DNPEP: variants seen among roughly 807,000 people sequenced by gnomAD.
DNPEP encodes the protein aspartyl aminopeptidase.
DNPEP carries 46 observed loss-of-function variants against 59.1 expected under a neutral mutation model. That is an observed-to-expected ratio of 0.78 (90% CI 0.61 to 0.99). The LOEUF (loss-of-function observed/expected upper bound fraction) is 0.99. Among genes scored for constraint, DNPEP ranks in the 50% least tolerant of loss-of-function variants. The probability of loss-of-function intolerance (pLI) is 0.00; values close to 1 mark genes in which losing one functional copy is unlikely to be tolerated. For synonymous variants in DNPEP, 229 were observed against 242.2 expected (o/e 0.95, Z 0.50); for missense variants, 617 against 649.9 (o/e 0.95, Z 0.55).
upstream of DNPEP, among the ~76,000 whole-genome samples, chr2:219,392,802 G>A (rs1191875917): frequency 1.3e-5 from 2 of 152,142 alleles, no homozygotes; most frequent in African/African-American, 2.4e-5. Context: ...GAACCACCGC[G>A]TCCAGCCTAG....
rs1953215263 is a variant in DNPEP at position 219,372,281 on chromosome 2, C to G, written c.*2011G>C. 6.6e-6 allele frequency among the ~76,000 whole-genome samples: 1 copy of G among 152,168 alleles called. No homozygotes were observed. The highest frequency in any genetic ancestry group is 1.5e-5 in the Non-Finnish European group (1 of 68,034). Reference sequence around the variant, plus strand: ...TTTTGTCACTCCCAACCCAGAAGATCACTGTAAAAGTTTCAGGTGCATTTT... The same window carrying G: ...TTTTGTCACTCCCAACCCAGAAGATGACTGTAAAAGTTTCAGGTGCATTTT... On this transcript the variant is annotated 3_prime_UTR_variant, in exon 15 of 15. Coordinates refer to ENST00000273075, the MANE Select transcript of DNPEP (RefSeq NM_012100.4).
At chr2:219,386,261 C>T (rs762971210) in intron 5 of DNPEP, 25 bp downstream of exon 5, 13 of 1,614,034 alleles carry the variant, frequency 8.1e-6, no homozygotes, top group Middle Eastern at 3.3e-4. Context: ...GAGGAGGCTC[C>T]GCCATCCCCA....
At chr2:219,379,247 T>C (rs1953491416) in intron 13 of DNPEP, among the ~76,000 whole-genome samples, 1 of 151,336 alleles carries the variant, frequency 6.6e-6, no homozygotes, top group Non-Finnish European at 1.5e-5. Flanking sequence ...CTCCTACTTA[T>C]TAGAAAAAAA....
chr2:219,376,486 T>TAA (rs542466059), intron 13 of DNPEP, among the ~76,000 whole-genome samples: 11 of 122,672 alleles, frequency 9.0e-5, no homozygotes, highest in South Asian at 2.6e-4. Flanking sequence ...AGACCCTGTC[T>TAA]AAAAAAAAAA....
chr2:219,392,169 G>A (rs1466673203), upstream of DNPEP, among the ~76,000 whole-genome samples: 1 of 152,150 alleles, frequency 6.6e-6, no homozygotes, highest in Admixed American at 6.5e-5. Flanking sequence ...TCTGAGAATC[G>A]TTCTTGCCCT....
In DNPEP at chr2:219,385,820, C is replaced by T. The variant is rs114643426; in HGVS notation, c.591-114G>A. 161 of 1,429,008 alleles carry T rather than the reference C, an allele frequency of 1.1e-4. 1 individual carries two copies. In the African/African-American group the frequency reaches 2.0e-3, roughly 18 times the overall value. The allele number at this position is 1,429,008 out of a possible 1,614,324, so 88.5% of individuals were successfully genotyped here. On this transcript the variant is annotated intron_variant, in intron 6 of 14. Coordinates refer to ENST00000273075, the MANE Select transcript of DNPEP (RefSeq NM_012100.4). ...CTGCCTCTGCCCTTCAATTCCCAGC[C>T]CACTCCCCAAATCACAAGGCTGTGA...
chr2:219,388,588 G>T (rs1362971878), upstream of DNPEP: 2 of 600,984 alleles, frequency 3.3e-6, no homozygotes, highest in Non-Finnish European at 4.2e-6. Context: ...CGCGCGACCC[G>T]CAGCCGCCGC....
Position 219,385,536 on chromosome 2 carries a change from A to G in DNPEP, c.667-5T>C. ...GACCGAATGGTGCCGCTCATCCTGA[A>G]GAGCAGAAAGATGCTGGGAAGAGTC... On this transcript the variant is annotated splice_region_variant and splice_polypyrimidine_tract_variant and intron_variant, in intron 7 of 14. Transcript: ENST00000273075. 6.2e-7 allele frequency: 1 copy of G among 1,604,594 alleles called. No homozygotes were observed. Among genetic ancestry groups the G allele is most frequent in the Non-Finnish European group, 8.5e-7 (1 of 1,172,324 alleles).
At chr2:219,389,185 C>T (rs1479492161), upstream of DNPEP, 1 of 152,180 alleles carries the variant, frequency 6.6e-6, no homozygotes, top group Non-Finnish European at 1.5e-5. Context: ...AACAGAAAAA[C>T]AAATTCCACA....
Position 219,381,338 on chromosome 2 carries a change from C to T in DNPEP, c.1236G>A (p.Leu412=). 6.2e-7 allele frequency: 1 copy of T among 1,613,750 alleles called. No homozygotes were observed. The highest frequency in any genetic ancestry group is 1.3e-5 in the African/African-American group (1 of 75,046). ...CCCAGGCAGGGCCCACCCTCACCTGCAGGGGGACCTTGACTTTGTTGGCCA... is the reference window on the plus strand; with the variant it reads ...CCCAGGCAGGGCCCACCCTCACCTGTAGGGGGACCTTGACTTTGTTGGCCA... ...REVANKVKVP[L]QDLMVRNDTP... The change falls in exon 13 of 15, where the codon CTG becomes CTA. Residue 412 remains leucine, a synonymous_variant. Transcript: ENST00000273075.
rs1953859959 is a variant in DNPEP, at chr2:219,386,779, C to T, written c.220-1G>A. On this transcript the variant is annotated splice_acceptor_variant, in intron 3 of 14. Transcript: ENST00000273075. LOFTEE classifies it high-confidence loss of function. Reference sequence around the variant, plus strand: ...TGGAGGAGTTCCTGGTCATGAAGTACTGAGGAGAAGGGGAGGAAAGACAGG... The same window carrying T: ...TGGAGGAGTTCCTGGTCATGAAGTATTGAGGAGAAGGGGAGGAAAGACAGG... The T allele has an allele frequency of 1.9e-6, 3 of 1,612,982 alleles. No homozygotes were observed. The highest frequency in any genetic ancestry group is 2.2e-5 in the East Asian group (1 of 44,862).
At position 219,394,011 on chromosome 2, in the gene DNPEP, T is replaced by C. The variant is rs74974520; in HGVS notation, c.-158+5929A>G. Among the ~76,000 whole-genome samples, 33 of 152,276 alleles carry C rather than the reference T, an allele frequency of 2.2e-4. No homozygotes were observed. In the East Asian group the frequency reaches 6.4e-3, roughly 29 times the overall value. ...CTGGCGGGTCAAGCTGATTAGCATA[T>C]ACATGTGCTATAATTTCTCCCAAGA... On this transcript the variant is annotated intron_variant, in intron 1 of 6. Coordinates refer to the DNPEP transcript ENST00000434339.
rs768924941 is a variant in DNPEP at position 219,386,416 on chromosome 2, G to C, written c.334-5C>G. Reference sequence around the variant, plus strand: ...GCGGCGAGACCGACGTTTCACCTGAGTGTAAAGATGGAGAAGTCAGAGAAG... The same window carrying C: ...GCGGCGAGACCGACGTTTCACCTGACTGTAAAGATGGAGAAGTCAGAGAAG... On this transcript the variant is annotated splice_polypyrimidine_tract_variant and splice_region_variant and intron_variant, in intron 4 of 14. Transcript: ENST00000273075. 2 of 1,614,104 alleles carry C rather than the reference G, an allele frequency of 1.2e-6. No homozygotes were observed. Among genetic ancestry groups the C allele is most frequent in the Non-Finnish European group, 1.7e-6 (2 of 1,180,044 alleles).
rs1052778599 is a variant in DNPEP, at chr2:219,387,260, C to T, written c.37-97G>A. 10 of 1,511,962 alleles carry T rather than the reference C, an allele frequency of 6.6e-6. No homozygotes were observed. In the African/African-American group the frequency reaches 1.2e-4, roughly 19 times the overall value. 93.7% of individuals were successfully genotyped at this position (1,511,962 alleles called of 1,614,324 possible). On this transcript the variant is annotated intron_variant, in intron 1 of 14. Transcript: ENST00000273075. ...CTCCCATCCCCACCCCCAGAAGTGA[C>T]CACTCTAAGGCACAGACCTCTGCTT...
chr2:219,379,566 T>C (rs1194016843), intron 13 of DNPEP, among the ~76,000 whole-genome samples: 1 of 152,150 alleles, frequency 6.6e-6, no homozygotes, highest in African/African-American at 2.4e-5. Context: ...GTACTATGTG[T>C]TTGTGTTTTA....
intron 14 of DNPEP, 103 bp from the exon 15 acceptor site, chr2:219,374,445 G>A (rs962332144): frequency 2.9e-5 from 32 of 1,120,190 alleles, no homozygotes; most frequent in East Asian, 1.2e-4. Context: ...GAGAAGCACC[G>A]AGGTTTCATC....
chr2:219,379,750 G>A lies in DNPEP; in HGVS notation c.1239+1585C>T, dbSNP rs375757520. ...AGCCTGACCAACATGGTGAAACCCC[G>A]TCTCTACTAAAAATACAAAAATTAG... On this transcript the variant is annotated intron_variant, in intron 13 of 14. Transcript: ENST00000273075. 5.2e-4 allele frequency among the ~76,000 whole-genome samples: 79 copies of A among 151,850 alleles called. No homozygotes were observed. In the South Asian group the frequency reaches 0.012, roughly 24 times the overall value.
At position 219,374,955 on chromosome 2, in the gene DNPEP, C is replaced by G; in HGVS notation, c.1307G>C (p.Gly436Ala). The G allele has an allele frequency of 6.2e-7, 1 of 1,614,152 alleles. No homozygotes were observed. The change falls in exon 14 of 15, where the codon GGG (glycine) becomes GCG (alanine). Residue 436 changes from glycine (G) to alanine (A), a missense_variant. By Grantham distance (60) the Gly-to-Ala change is moderately conservative. Coordinates refer to ENST00000273075, the MANE Select transcript of DNPEP (RefSeq NM_012100.4). ...TIGPILASRLGLRVLDLGSPQ... is the reference protein window; with the variant it reads ...TIGPILASRLALRVLDLGSPQ... ...GCTGCCTAAATCCAGCACCCGCAGC[C>G]CCAGCCGAGAAGCCAAGATAGGTCC...
intron 1 of DNPEP, among the ~76,000 whole-genome samples, chr2:219,399,135 G>C (rs1954145512): frequency 6.6e-6 from 1 of 152,160 alleles, no homozygotes; most frequent in South Asian, 2.1e-4. Context: ...CTATTTTAAT[G>C]GCCTTTAAAC....
Sources: gnomAD v4.1 joint callset for allele counts (sites outside exome capture counted in the v4.1 genomes callset) on GRCh38, gnomAD v4.1.1 for gene constraint, MANE v1.5 for transcripts, NCBI Gene and HGNC (gene_info 2026-07-23, HGNC 2026-07-21) for gene names.